Variants in ORC5 observed in about 807,000 individuals in gnomAD.
ORC5 encodes protein phosphatase 1, regulatory subunit 117.
ORC5 carries 39 observed loss-of-function variants against 58.8 expected under a neutral mutation model. The ratio of observed to expected loss-of-function variants is 0.66; its 90% CI spans 0.51 to 0.87. ORC5 has a LOEUF of 0.87. ORC5 is among the 40% of genes least tolerant of loss of function. ORC5 has a pLI of 0.00. For missense variants in ORC5, 493 were observed against 506.3 expected, an observed-to-expected ratio of 0.97 and a Z score of 0.25; for synonymous variants, 218 against 177.6, an observed-to-expected ratio of 1.23 and a Z score of -1.81.
At chr7:104,134,369 C>T (rs998620177) in intron 13 of ORC5, among the ~76,000 whole-genome samples, 3 of 136,310 alleles carry the variant, frequency 2.2e-5, no homozygotes, top group African/African-American at 5.7e-5. Flanking sequence ...GAGCCAAGAT[C>T]GCACTACTGT....
intron 13 of ORC5, among the ~76,000 whole-genome samples, chr7:104,134,664 T>C (rs1562802098): frequency 6.6e-6 from 1 of 151,798 alleles, no homozygotes; most frequent in African/African-American, 2.4e-5. Context: ...CCCTGAGGGA[T>C]TAGGGTTTGA....
At chr7:104,128,456 T>C (rs114091998) in intron 13 of ORC5, among the ~76,000 whole-genome samples, 3,333 of 152,254 alleles carry the variant, frequency 0.022, 80 homozygotes, top group South Asian at 0.12. Context: ...TGATACTGAT[T>C]GAAAAGATCT....
In ORC5 at chr7:104,207,023, G is replaced by GC. The variant is rs377694824; in HGVS notation, c.72+809dup. Reference sequence around the variant, plus strand: ...CAGGACGTATCCCCCTCACTAAGTGGCAGCAACGCATGACTGTACTTAAAA... The same window carrying GC: ...CAGGACGTATCCCCCTCACTAAGTGGCCAGCAACGCATGACTGTACTTAAAA... On this transcript the variant is annotated intron_variant, in intron 1 of 13. Transcript: ENST00000297431. Among the ~76,000 whole-genome samples, 506 of 152,186 alleles carry GC rather than the reference G, an allele frequency of 3.3e-3. 6 individuals are homozygous for GC. The highest frequency in any genetic ancestry group is 0.011 in the African/African-American group (451 of 41,518).
chr7:104,186,572 G>C (rs1337363510), intron 6 of ORC5, among the ~76,000 whole-genome samples: 1 of 152,016 alleles, frequency 6.6e-6, no homozygotes, highest in African/African-American at 2.4e-5. Flanking sequence ...TATAGAACTA[G>C]CCTCTGAAAA....
chr7:104,197,772 C>A lies in ORC5; in HGVS notation c.394G>T (p.Asp132Tyr). 6.3e-7 allele frequency: 1 copy of A among 1,593,238 alleles called. No individual in the cohort carries two copies. The highest frequency in any genetic ancestry group is 1.2e-5 in the South Asian group (1 of 85,384). The change falls in exon 4 of 14, where the codon GAT (aspartate) becomes TAT (tyrosine). Residue 132 changes from aspartate to tyrosine, a missense_variant. Physicochemically the swap from Asp to Tyr is radical, Grantham distance 160. Coordinates refer to ENST00000297431, the MANE Select transcript of ORC5 (RefSeq NM_002553.4). Reference sequence around the variant, plus strand: ...CCAGGCAAAAGATTTGCTTCCATATCTCTTAGATACTCTGCTTTATCTAGA... The same window carrying A: ...CCAGGCAAAAGATTTGCTTCCATATATCTTAGATACTCTGCTTTATCTAGA... Reference protein sequence around the residue: ...IVLDKAEYLRDMEANLLPGFL... With the variant: ...IVLDKAEYLRYMEANLLPGFL...
chr7:104,166,073 A>G (rs989698485), intron 10 of ORC5, among the ~76,000 whole-genome samples: 2 of 152,192 alleles, frequency 1.3e-5, no homozygotes, highest in African/African-American at 4.8e-5. Context: ...GTAGCACAAG[A>G]CATGACAAAA....
chr7:104,143,090 G>C (rs1798700440), intron 12 of ORC5, among the ~76,000 whole-genome samples: 1 of 152,060 alleles, frequency 6.6e-6, no homozygotes, highest in South Asian at 2.1e-4. Context: ...GCTAAAATAG[G>C]TTAGTAATAG....
chr7:104,150,302 C>A (rs17159460), intron 12 of ORC5, among the ~76,000 whole-genome samples: 6,771 of 152,152 alleles, frequency 0.045, 501 homozygotes, highest in African/African-American at 0.15. Flanking sequence ...CAATCTGAAA[C>A]ATATTAAATT....
intron 2 of ORC5, among the ~76,000 whole-genome samples, chr7:104,201,627 TAAAA>T (rs59970161): frequency 3.0e-5 from 4 of 131,420 alleles, no homozygotes; most frequent in African/African-American, 8.2e-5. Flanking sequence ...CTGTCACTAT[TAAAA>T]AAAAAAAAAA....
chr7:104,136,157 CT>C lies in ORC5; in HGVS notation c.1262+623del, dbSNP rs1323752322. Among the ~76,000 whole-genome samples, 9 of 152,166 alleles carry C rather than the reference CT, an allele frequency of 5.9e-5. No individual in the cohort carries two copies. Among genetic ancestry groups the C allele is most frequent in the Non-Finnish European group, 1.3e-4 (9 of 68,036 alleles). On this transcript the variant is annotated intron_variant, in intron 13 of 13. Transcript: ENST00000297431. This position sits in a 1 kb window ranked among gnomAD's most constrained non-coding sequence, Gnocchi z 4.2. ...CTTCATTCATTTTGCACGACAGCCC[CT>C]GAAACACTTAAGACAGTTCACATGT...
chr7:104,186,739 C>T (rs531608517), intron 6 of ORC5, among the ~76,000 whole-genome samples: 113 of 152,164 alleles, frequency 7.4e-4, no homozygotes, highest in African/African-American at 2.6e-3. Flanking sequence ...AAATGAATAT[C>T]TTTATTCTTC....
rs555473676 is a variant in ORC5 at position 104,152,421 on chromosome 7, G to A, written c.1149+8651C>T. Among the ~76,000 whole-genome samples the A allele has an allele frequency of 2.6e-5, 4 of 152,250 alleles. No homozygotes were observed. In the East Asian group the frequency reaches 7.7e-4, roughly 29 times the overall value. On this transcript the variant is annotated intron_variant, in intron 12 of 13. Transcript: ENST00000297431. The stretch of plus-strand genomic sequence containing the variant: ...AGTCTCTCAAAGCGCTGGGATTACA[G>A]GCATGACCCATCATGCCCAGCCAGA...
At chr7:104,165,963 G>A (rs1016758239) in intron 10 of ORC5, among the ~76,000 whole-genome samples, 1 of 152,150 alleles carries the variant, frequency 6.6e-6, no homozygotes, top group Non-Finnish European at 1.5e-5. Context: ...CTACTTGGGA[G>A]GCCGAGGCTG....
intron 12 of ORC5, among the ~76,000 whole-genome samples, chr7:104,150,802 C>T (rs1257447864): frequency 2.6e-5 from 4 of 152,100 alleles, no homozygotes; most frequent in Non-Finnish European, 4.4e-5. Context: ...GAACAGACAA[C>T]GTCTATGCCC....
Position 104,207,842 on chromosome 7 carries a change from C to A in ORC5, c.63G>T (p.Leu21Phe). Reference protein sequence around the residue: ...RESQVSILQSLFGERHHFSFP... With the variant: ...RESQVSILQSFFGERHHFSFP... ...AGTTTAACTACAATACCTCTCCAAACAAGGACTGCAAGATGGACACTTGAG... is the reference window on the plus strand; with the variant it reads ...AGTTTAACTACAATACCTCTCCAAAAAAGGACTGCAAGATGGACACTTGAG... Residue 21 changes from leucine (L) to phenylalanine (F), a missense_variant, in exon 1 of 14, where the codon TTG becomes TTT. Physicochemically the swap from Leu to Phe is conservative, Grantham distance 22. This residue lies in a region of ORC5 where 412 missense variants were observed against 403.7 expected (regional missense o/e 1.02). Coordinates refer to ENST00000297431, the MANE Select transcript of ORC5 (RefSeq NM_002553.4). 6.2e-7 allele frequency: 1 copy of A among 1,614,138 alleles called. No individual in the cohort carries two copies. The highest frequency in any genetic ancestry group is 8.5e-7 in the Non-Finnish European group (1 of 1,179,974).
At chr7:104,130,533 T>A (rs1259057412) in intron 13 of ORC5, among the ~76,000 whole-genome samples, 3 of 152,178 alleles carry the variant, frequency 2.0e-5, no homozygotes, top group Non-Finnish European at 4.4e-5. Flanking sequence ...ACCATTCTGC[T>A]CACCATCCCC....
chr7:104,166,594 C>A (rs140256072), intron 10 of ORC5, among the ~76,000 whole-genome samples, 178 bp downstream of exon 10: 9 of 152,158 alleles, frequency 5.9e-5, no homozygotes, highest in Non-Finnish European at 1.0e-4. Context: ...AAACTGCCTA[C>A]CTTTTCTCAA....
intron 12 of ORC5, among the ~76,000 whole-genome samples, chr7:104,142,303 G>A (rs1798686151): frequency 2.0e-5 from 3 of 152,008 alleles, no homozygotes; most frequent in Non-Finnish European, 4.4e-5. Context: ...TAAACGTAGG[G>A]AAAAAAACTC....
intron 6 of ORC5, chr7:104,187,998 A>G (rs1466879454): frequency 9.3e-7 from 1 of 1,078,324 alleles, no homozygotes; most frequent in Non-Finnish European, 1.1e-6. Context: ...AGGAAGAGTA[A>G]GAAGATCTGA....
Sources: allele counts gnomAD v4.1 joint callset (sites outside exome capture counted in the v4.1 genomes callset), GRCh38; gene constraint gnomAD v4.1.1; regional missense constraint gnomAD v4.1.1; non-coding constraint Gnocchi (gnomAD v3.1); transcripts MANE v1.5; gene names NCBI Gene and HGNC (gene_info 2026-07-23, HGNC 2026-07-21).